ASCC3: variants seen among roughly 807,000 people sequenced by gnomAD.
ASCC3 encodes ASC-1 complex subunit P200.
ASCC3 carries 158 observed loss-of-function variants against 256.3 expected under a neutral mutation model. The observed-to-expected ratio is 0.62, with a 90% CI of 0.54 to 0.70. The LOEUF (loss-of-function observed/expected upper bound fraction) is 0.70. ASCC3 is among the 30% of genes least tolerant of loss of function. The probability of loss-of-function intolerance (pLI) is 0.00; values close to 1 mark genes in which losing one functional copy is unlikely to be tolerated. For synonymous variants in ASCC3, 948 were observed against 883.4 expected, an observed-to-expected ratio of 1.07 and a Z score of -1.30; for missense variants, 2,259 against 2,626.0, an observed-to-expected ratio of 0.86 and a Z score of 3.05.
intron 10 of ASCC3, among the ~76,000 whole-genome samples, chr6:100,743,946 G>A (rs367728961): frequency 6.6e-6 from 1 of 151,960 alleles, no homozygotes. Flanking sequence ...CATCATGCAG[G>A]GTTTTTAAAC....
At chr6:100,530,756 T>C in intron 37 of ASCC3, 1 of 979,106 alleles carries the variant, frequency 1.0e-6, no homozygotes, top group East Asian at 2.4e-5. Flanking sequence ...TTTACCAGTT[T>C]ACTTTTAATT....
intron 14 of ASCC3, among the ~76,000 whole-genome samples, chr6:100,675,706 G>A (rs1003884158): frequency 3.9e-5 from 6 of 152,140 alleles, no homozygotes; most frequent in Non-Finnish European, 8.8e-5. Flanking sequence ...GGCTTATTAC[G>A]TGGTAGAAAT....
intron 37 of ASCC3, among the ~76,000 whole-genome samples, chr6:100,521,886 A>G (rs1326766838): frequency 2.0e-5 from 3 of 152,184 alleles, no homozygotes; most frequent in Admixed American, 1.3e-4. Context: ...TACCTTTTAT[A>G]GCAGTTTTCC....
At chr6:100,856,103 G>A (rs1006438048) in intron 3 of ASCC3, among the ~76,000 whole-genome samples, 3 of 152,150 alleles carry the variant, frequency 2.0e-5, no homozygotes, top group African/African-American at 4.8e-5. Context: ...CAACAAATGT[G>A]AAGAAAAGGC....
rs143947805 is a variant in ASCC3 at position 100,529,319 on chromosome 6, G to A, written c.5775+10844C>T. 1.9e-3 allele frequency among the ~76,000 whole-genome samples: 289 copies of A among 152,204 alleles called. 3 individuals carry two copies. Among genetic ancestry groups the A allele is most frequent in the African/African-American group, 6.4e-3 (267 of 41,554 alleles). ...ATTTTCAATTATTGTAGCTTTATGG[G>A]AGAATGTGAGGAAACAAGTGGTTAA... On this transcript the variant is annotated intron_variant, in intron 37 of 41. Transcript: ENST00000369162.
intron 37 of ASCC3, among the ~76,000 whole-genome samples, chr6:100,529,929 T>C (rs1324167488): frequency 6.6e-6 from 1 of 151,796 alleles, no homozygotes; most frequent in African/African-American, 2.4e-5. Flanking sequence ...CCTCAATAAA[T>C]GTTCACCATT....
chr6:100,681,529 C>T (rs1463672710), intron 13 of ASCC3, among the ~76,000 whole-genome samples: 2 of 151,722 alleles, frequency 1.3e-5, no homozygotes, highest in South Asian at 4.2e-4. Flanking sequence ...GAGATTGAGA[C>T]CATCCTGGCC....
At chr6:100,754,877 A>G (rs1188287337) in intron 10 of ASCC3, among the ~76,000 whole-genome samples, 1 of 152,068 alleles carries the variant, frequency 6.6e-6, no homozygotes, top group African/African-American at 2.4e-5. Context: ...ATGGTTTTAT[A>G]AAGGGTGGTT....
intron 36 of ASCC3, among the ~76,000 whole-genome samples, chr6:100,566,639 A>G (rs1770265354): frequency 6.6e-6 from 1 of 152,112 alleles, no homozygotes; most frequent in Admixed American, 6.5e-5. Context: ...ACCTAAGGCC[A>G]ATTATTCCAT....
At chr6:100,561,514 T>C (rs1172181194) in intron 36 of ASCC3, among the ~76,000 whole-genome samples, 1 of 152,150 alleles carries the variant, frequency 6.6e-6, no homozygotes, top group Non-Finnish European at 1.5e-5. Flanking sequence ...CACGTCACTT[T>C]GGTGCGGGTC....
At chr6:100,584,747 C>A (rs879426226) in intron 36 of ASCC3, among the ~76,000 whole-genome samples, 5 of 152,066 alleles carry the variant, frequency 3.3e-5, no homozygotes, top group African/African-American at 4.8e-5. Flanking sequence ...ATATTTAGTG[C>A]TTCCTTCAGG....
At chr6:100,753,806 T>A (rs576171967) in intron 10 of ASCC3, among the ~76,000 whole-genome samples, 6 of 152,264 alleles carry the variant, frequency 3.9e-5, no homozygotes, top group African/African-American at 1.2e-4. Flanking sequence ...CTGTTTTTGT[T>A]ATATTATTTG....
chr6:100,588,302 A>G (rs1771811566), intron 36 of ASCC3, among the ~76,000 whole-genome samples: 1 of 152,172 alleles, frequency 6.6e-6, no homozygotes, highest in South Asian at 2.1e-4. Flanking sequence ...AAGTATGGTT[A>G]AATGTGAGAT....
In ASCC3 at chr6:100,798,665, C is replaced by A. The variant is rs367868765; in HGVS notation, c.1395+48G>T. On this transcript the variant is annotated intron_variant, in intron 8 of 41. Coordinates refer to ENST00000369162, the MANE Select transcript of ASCC3 (RefSeq NM_006828.4). ...TTTTCCAGTATAAATTCATTCATAC[C>A]GCATACCAAGCCTCAAAACTATCAA... 1.1e-5 allele frequency: 17 copies of A among 1,607,510 alleles called. No individual in the cohort carries two copies. The South Asian group carries it at 1.8e-4, about 17-fold the overall frequency.
At chr6:100,524,949 T>C (rs1774493790) in intron 37 of ASCC3, among the ~76,000 whole-genome samples, 3 of 151,594 alleles carry the variant, frequency 2.0e-5, no homozygotes, top group Admixed American at 2.0e-4. Flanking sequence ...CCCAGCACTT[T>C]GGGAGGCCAA....
chr6:100,530,942 A>G, intron 37 of ASCC3: 1 of 1,423,020 alleles, frequency 7.0e-7, no homozygotes, highest in Non-Finnish European at 9.9e-7. Context: ...CAGTACAGTG[A>G]TTGCAAATCA....
chr6:100,757,772 G>T (rs1174688236), intron 10 of ASCC3, among the ~76,000 whole-genome samples: 1 of 152,196 alleles, frequency 6.6e-6, no homozygotes, highest in Admixed American at 6.5e-5. Flanking sequence ...CATCAGGAAA[G>T]AGCTGGCAGG....
chr6:100,511,769 T>A (rs1322824151), intron 40 of ASCC3, among the ~76,000 whole-genome samples: 2 of 152,138 alleles, frequency 1.3e-5, no homozygotes, highest in South Asian at 4.2e-4. Context: ...CAGTTAATAC[T>A]TACACTGACA....
At chr6:100,776,120 C>CCTAATTAAATG (rs1226611037) in intron 8 of ASCC3, among the ~76,000 whole-genome samples, 1 of 152,060 alleles carries the variant, frequency 6.6e-6, no homozygotes, top group Non-Finnish European at 1.5e-5. Flanking sequence ...ACACACAATA[C>CCTAATTAAATG]CTAATTAAAT....
Sources: gnomAD v4.1 joint callset for allele counts (sites outside exome capture counted in the v4.1 genomes callset) on GRCh38, gnomAD v4.1.1 for gene constraint, MANE v1.5 for transcripts, NCBI Gene and HGNC (gene_info 2026-07-23, HGNC 2026-07-21) for gene names.